Variants in RGS22 observed in about 807,000 individuals in gnomAD.
RGS22 encodes regulator of G protein signaling 22.
In RGS22, 148 loss-of-function variants were observed where a neutral mutation model predicts 172.9. The observed-to-expected ratio is 0.86, with a 90% CI of 0.75 to 0.98. The LOEUF is 0.98. Ranked by LOEUF, RGS22 falls within the 50% of genes least tolerant of loss-of-function variation. The pLI, the probability that RGS22 is intolerant of heterozygous loss-of-function variation, is 0.00. For missense variants in RGS22, 1,347 were observed against 1,440.8 expected, an observed-to-expected ratio of 0.93 and a Z score of 1.05; for synonymous variants, 458 against 480.2, an observed-to-expected ratio of 0.95 and a Z score of 0.60.
chr8:99,985,158 G>C (rs1292268864), intron 21 of RGS22, among the ~76,000 whole-genome samples: 1 of 152,204 alleles, frequency 6.6e-6, no homozygotes, highest in Non-Finnish European at 1.5e-5. Flanking sequence ...AGCTCTACCA[G>C]TTAATTAGCT....
intron 14 of RGS22, among the ~76,000 whole-genome samples, chr8:100,021,045 C>A (rs1817549814): frequency 6.6e-6 from 1 of 152,192 alleles, no homozygotes; most frequent in Non-Finnish European, 1.5e-5. Flanking sequence ...GGTTGTTAAA[C>A]ATTTCTCATC....
intron 22 of RGS22, 136 bp downstream of exon 22, chr8:99,981,801 A>G: frequency 1.7e-6 from 1 of 598,114 alleles, no homozygotes; most frequent in Non-Finnish European, 2.7e-6. Flanking sequence ...AGCTCAAACA[A>G]TCTGCCTGCC....
Position 100,054,383 on chromosome 8 carries a change from CAGG to C in RGS22, c.1515-1410_1515-1408del, listed in dbSNP as rs539165597. Reference sequence around the variant, plus strand: ...CCATGGTGGGAGGATTGCTTGAGGCCAGGAGTTCAAACCAGCCTGGACAACATA... The same window carrying C: ...CCATGGTGGGAGGATTGCTTGAGGCCAGTTCAAACCAGCCTGGACAACATA... On this transcript the variant is annotated intron_variant, in intron 9 of 27. Coordinates refer to ENST00000360863, the MANE Select transcript of RGS22 (RefSeq NM_015668.5). 1.9e-5 allele frequency: 3 copies of C among 154,290 alleles called. No homozygotes were observed. In the South Asian group the frequency reaches 6.1e-4, roughly 31 times the overall value. 9.6% of individuals were successfully genotyped at this position (154,290 alleles called of 1,614,324 possible). A position where few individuals can be genotyped will look rare whatever the true frequency, so the allele number is the denominator to read the frequency against.
chr8:100,105,903 T>G lies in RGS22; in HGVS notation c.19A>C (p.Thr7Pro). The G allele has an allele frequency of 6.7e-7, 1 of 1,500,294 alleles. No individual in the cohort carries two copies. The highest frequency in any genetic ancestry group is 8.9e-7 in the Non-Finnish European group (1 of 1,126,998). The allele number at this position is 1,500,294 out of a possible 1,614,324, so 92.9% of individuals were successfully genotyped here. Residue 7 changes from threonine (T) to proline (P), a missense_variant, in exon 1 of 28, where the codon ACC becomes CCC. Thr to Pro is a conservative substitution (Grantham distance 38). Coordinates refer to ENST00000360863, the MANE Select transcript of RGS22 (RefSeq NM_015668.5). MPEKRLTAEPPTITEEE... is the reference protein window; with the variant it reads MPEKRLPAEPPTITEEE... ...CTGTGGGGCCGCCACCTACCCGCGG[T>G]GAGCCTCTTCTCGGGCATGCCGTCC...
chr8:100,063,378 G>T (rs981498549), intron 8 of RGS22, 38 bp downstream of exon 8: 90 of 1,406,334 alleles, frequency 6.4e-5, no homozygotes, highest in Non-Finnish European at 8.4e-5. Flanking sequence ...TTCATAATTT[G>T]TTTTTAAAAC....
At chr8:100,104,512 A>C (rs1440795494) in intron 2 of RGS22, among the ~76,000 whole-genome samples, 3 of 151,998 alleles carry the variant, frequency 2.0e-5, no homozygotes. Context: ...CCAGCAATGG[A>C]CCAGAGCTCT....
chr8:99,969,943 C>T (rs1446372332), intron 23 of RGS22, among the ~76,000 whole-genome samples: 8 of 152,164 alleles, frequency 5.3e-5, no homozygotes, highest in East Asian at 1.9e-4. Flanking sequence ...TTCTCAGCAT[C>T]GGGTAGCACT....
At chr8:99,977,065 A>G (rs777866673) in intron 23 of RGS22, among the ~76,000 whole-genome samples, 5 of 152,088 alleles carry the variant, frequency 3.3e-5, no homozygotes, top group Admixed American at 6.6e-5. Context: ...AGGCTGCCCA[A>G]TTTGTGACTT....
At position 100,026,542 on chromosome 8, in the gene RGS22, A is replaced by G. The variant is rs1818195886; in HGVS notation, c.2166+12389T>C. On this transcript the variant is annotated intron_variant, in intron 14 of 27. Transcript: ENST00000360863. ...CCAGGACTGACTTATTTGTCATGGG[A>G]CCCATGAAGTGACTTCTTCATAGAA... Among the ~76,000 whole-genome samples the G allele has an allele frequency of 2.0e-5, 3 of 152,194 alleles. No individual in the cohort carries two copies. The South Asian group carries it at 6.2e-4, about 32-fold the overall frequency.
Position 100,063,504 on chromosome 8 carries a change from T to C in RGS22, c.1264A>G (p.Ile422Val). Reference protein sequence around the residue: ...RKEFERFKKFIKGTLGERYWW... With the variant: ...RKEFERFKKFVKGTLGERYWW... The stretch of plus-strand genomic sequence containing the variant: ...TATCTCTCTCCCAATGTACCTTTTA[T>C]AAATTTCTTAAATCTTTCAAACTCC... The change falls in exon 8 of 28, where the codon ATA becomes GTA. Residue 422 changes from isoleucine (I) to valine (V), a missense_variant. By Grantham distance (29) the Ile-to-Val change is conservative. Transcript: ENST00000360863. 6.2e-7 allele frequency: 1 copy of C among 1,613,820 alleles called. No homozygotes were observed. Among genetic ancestry groups the C allele is most frequent in the Non-Finnish European group, 8.5e-7 (1 of 1,179,754 alleles).
intron 11 of RGS22, among the ~76,000 whole-genome samples, chr8:100,045,869 G>A (rs992641373): frequency 2.0e-5 from 3 of 151,524 alleles, no homozygotes; most frequent in Non-Finnish European, 4.4e-5. Context: ...ATATATATAT[G>A]AAATAGAGCA....
chr8:100,085,012 C>G (rs1469468124), intron 3 of RGS22, among the ~76,000 whole-genome samples: 1 of 152,122 alleles, frequency 6.6e-6, no homozygotes, highest in African/African-American at 2.4e-5. Flanking sequence ...TTTGGCTAAA[C>G]TAGAAACTAC....
chr8:99,965,675 C>T (rs1452061423), intron 23 of RGS22, among the ~76,000 whole-genome samples: 3 of 152,050 alleles, frequency 2.0e-5, no homozygotes, highest in South Asian at 4.2e-4. Context: ...ATGTAAAAAT[C>T]ATTCCCAAAT....
chr8:100,104,373 T>C (rs78339308), intron 2 of RGS22, among the ~76,000 whole-genome samples: 1 of 150,410 alleles, frequency 6.6e-6, no homozygotes, highest in Non-Finnish European at 1.5e-5. Flanking sequence ...TTTTTTTTTT[T>C]CTTAAAGCAG....
At chr8:99,997,068 A>G (rs1814478034) in intron 19 of RGS22, among the ~76,000 whole-genome samples, 1 of 152,176 alleles carries the variant, frequency 6.6e-6, no homozygotes, top group Non-Finnish European at 1.5e-5. Flanking sequence ...CACTGGGGCT[A>G]AGTCTTTTTG....
intron 10 of RGS22, chr8:100,050,995 GC>G (rs1821217868): frequency 6.6e-6 from 1 of 152,134 alleles, no homozygotes; most frequent in African/African-American, 2.4e-5. Flanking sequence ...ATAAAGGAGG[GC>G]AAAGGGTATA....
chr8:100,005,910 C>T (rs973714160), intron 16 of RGS22, 107 bp downstream of exon 16: 11 of 656,288 alleles, frequency 1.7e-5, no homozygotes, highest in African/African-American at 3.7e-5. Context: ...AAAAATGAAA[C>T]TGCCTATATG....
chr8:100,078,902 T>C (rs1002209012), intron 4 of RGS22, among the ~76,000 whole-genome samples: 5 of 152,328 alleles, frequency 3.3e-5, no homozygotes, highest in Middle Eastern at 3.4e-3. Context: ...GCTGGGATTA[T>C]AGGTGTGAGC....
intron 16 of RGS22, 117 bp from the exon 17 acceptor site, chr8:100,004,215 A>C: frequency 1.6e-6 from 2 of 1,252,524 alleles, no homozygotes; most frequent in Non-Finnish European, 2.1e-6. Flanking sequence ...TAATAATTCA[A>C]TGGCAGAGTG....
Sources: gnomAD v4.1 joint callset for allele counts (sites outside exome capture counted in the v4.1 genomes callset) on GRCh38, gnomAD v4.1.1 for gene constraint, MANE v1.5 for transcripts, NCBI Gene and HGNC (gene_info 2026-07-23, HGNC 2026-07-21) for gene names.